Variants in EPHA6 observed in about 807,000 individuals in gnomAD.
The protein encoded by EPHA6 is ephrin type-A receptor 6.
EPHA6 carries 50 observed loss-of-function variants against 112.0 expected under a neutral mutation model. The observed-to-expected ratio is 0.45, with a 90% CI of 0.36 to 0.56. The LOEUF is 0.56. Ranked by LOEUF, EPHA6 falls within the 20% of genes least tolerant of loss-of-function variation. EPHA6 has a pLI of 0.00. For synonymous variants in EPHA6, 529 were observed against 490.7 expected, an observed-to-expected ratio of 1.08 and a Z score of -1.03; for missense variants, 1,280 against 1,417.4, an observed-to-expected ratio of 0.90 and a Z score of 1.56.
chr3:97,187,380 G>T (rs1456190484), intron 3 of EPHA6, among the ~76,000 whole-genome samples: 1 of 151,886 alleles, frequency 6.6e-6, no homozygotes, highest in African/African-American at 2.4e-5. Context: ...GACCAACCTG[G>T]TCAATAAGGT....
At chr3:97,266,776 A>ATGAGCTAAAAGGG (rs139450393) in intron 5 of EPHA6, among the ~76,000 whole-genome samples, 32,437 of 151,970 alleles carry the variant, frequency 0.21, 8,668 homozygotes, top group African/African-American at 0.62. Context: ...CTAGTAAAGG[A>ATGAGCTAAAAGGG]TGATACTAAT....
At chr3:97,653,816 A>G (rs1297767571) in intron 14 of EPHA6, among the ~76,000 whole-genome samples, 1 of 151,964 alleles carries the variant, frequency 6.6e-6, no homozygotes, top group Non-Finnish European at 1.5e-5. Flanking sequence ...TTCAGCCCCC[A>G]AAAAGAAAAT....
At chr3:96,981,546 A>G (rs1576238527) in intron 2 of EPHA6, among the ~76,000 whole-genome samples, 1 of 152,194 alleles carries the variant, frequency 6.6e-6, no homozygotes, top group Admixed American at 6.5e-5. Flanking sequence ...AGGCTTTAGT[A>G]TCAAGATGAT....
intron 5 of EPHA6, among the ~76,000 whole-genome samples, chr3:97,287,979 G>A (rs2080532437): frequency 6.6e-6 from 1 of 151,868 alleles, no homozygotes. Flanking sequence ...GAATAGAATT[G>A]GCGTTTGTTA....
chr3:96,998,685 A>G (rs2043514840), intron 3 of EPHA6, among the ~76,000 whole-genome samples: 1 of 151,748 alleles, frequency 6.6e-6, no homozygotes, highest in Non-Finnish European at 1.5e-5. Context: ...GTTATATCTG[A>G]TGTGTCTGGG....
intron 3 of EPHA6, among the ~76,000 whole-genome samples, chr3:97,159,227 G>A (rs115160890): frequency 0.018 from 2,755 of 152,160 alleles, 48 homozygotes; most frequent in Middle Eastern, 0.065. Context: ...TTGTGGAGTC[G>A]TGTTTCAGTT....
chr3:96,889,730 T>A (rs182126558), intron 2 of EPHA6, among the ~76,000 whole-genome samples: 1 of 152,146 alleles, frequency 6.6e-6, no homozygotes, highest in East Asian at 1.9e-4. Context: ...GCTAAGGAAA[T>A]CTGAAAGAAG....
intron 1 of EPHA6, among the ~76,000 whole-genome samples, chr3:96,832,407 G>T (rs573444001): frequency 6.6e-6 from 1 of 151,992 alleles, no homozygotes. Context: ...TTTTCCCCAA[G>T]TGTAATTTGT....
chr3:96,896,712 G>A (rs906845902), intron 2 of EPHA6, among the ~76,000 whole-genome samples: 2 of 152,100 alleles, frequency 1.3e-5, no homozygotes, highest in Non-Finnish European at 2.9e-5. Context: ...TGGGAAGGAA[G>A]GGCCATCAAA....
intron 14 of EPHA6, among the ~76,000 whole-genome samples, chr3:97,692,270 G>A (rs961575879): frequency 6.6e-6 from 1 of 152,104 alleles, no homozygotes; most frequent in Non-Finnish European, 1.5e-5. Context: ...TGCAAAGTTT[G>A]TCTGGGTGAA....
intron 5 of EPHA6, among the ~76,000 whole-genome samples, chr3:97,399,264 A>G (rs1001601229): frequency 6.6e-6 from 1 of 151,590 alleles, no homozygotes; most frequent in African/African-American, 2.4e-5. Context: ...GTTGCCATAA[A>G]TGACAGAAAT....
intron 2 of EPHA6, among the ~76,000 whole-genome samples, chr3:96,910,873 G>A (rs1189661808): frequency 6.6e-6 from 1 of 152,008 alleles, no homozygotes; most frequent in East Asian, 1.9e-4. Flanking sequence ...ACCACTGTAT[G>A]TATAATTTCT....
chr3:97,214,036 T>TGA (rs1385755964), intron 3 of EPHA6, among the ~76,000 whole-genome samples: 7 of 130,912 alleles, frequency 5.3e-5, no homozygotes, highest in African/African-American at 2.5e-4. Flanking sequence ...TGTGTGTGTG[T>TGA]GTGAGAGAGA....
At chr3:97,025,823 C>G (rs998598491) in intron 3 of EPHA6, among the ~76,000 whole-genome samples, 4 of 152,020 alleles carry the variant, frequency 2.6e-5, no homozygotes, top group Admixed American at 2.6e-4. Flanking sequence ...TCCCTGACGT[C>G]ATGATCTGCC....
At chr3:96,993,639 T>C (rs2043301686) in intron 3 of EPHA6, among the ~76,000 whole-genome samples, 1 of 152,148 alleles carries the variant, frequency 6.6e-6, no homozygotes, top group Non-Finnish European at 1.5e-5. Context: ...ACAGGAGCCC[T>C]AAGTTTCTCA....
chr3:96,991,522 C>T (rs1390571254), intron 3 of EPHA6, among the ~76,000 whole-genome samples: 1 of 152,082 alleles, frequency 6.6e-6, no homozygotes, highest in South Asian at 2.1e-4. Context: ...ATTCACATAA[C>T]CATCTGTAAA....
intron 6 of EPHA6, among the ~76,000 whole-genome samples, chr3:97,410,875 T>C (rs1157542080): frequency 2.0e-5 from 3 of 152,074 alleles, no homozygotes; most frequent in Non-Finnish European, 1.5e-5. Context: ...TGAACTTACA[T>C]GCTATGTCTC....
intron 7 of EPHA6, among the ~76,000 whole-genome samples, chr3:97,449,493 T>C (rs2090458089): frequency 1.3e-5 from 2 of 152,122 alleles, no homozygotes; most frequent in Non-Finnish European, 2.9e-5. Flanking sequence ...AAATTTATTA[T>C]AGTAATTCCT....
chr3:96,880,894 G>A (rs1352453895), intron 2 of EPHA6, among the ~76,000 whole-genome samples: 1 of 152,054 alleles, frequency 6.6e-6, no homozygotes, highest in African/African-American at 2.4e-5. Flanking sequence ...TACATTGTAT[G>A]TATATATCAG....
Sources: gnomAD v4.1 joint callset for allele counts (sites outside exome capture counted in the v4.1 genomes callset) on GRCh38, gnomAD v4.1.1 for gene constraint, MANE v1.5 for transcripts, NCBI Gene and HGNC (gene_info 2026-07-23, HGNC 2026-07-21) for gene names.